Variants in FAM153A observed in about 807,000 individuals in gnomAD.
FAM153A encodes family with sequence similarity 153 member A.
Under a neutral mutation model 48.1 loss-of-function variants are expected in FAM153A, and 12 were observed. The ratio of observed to expected loss-of-function variants is 0.25; its 90% CI spans 0.16 to 0.40. The LOEUF (loss-of-function observed/expected upper bound fraction) is 0.40. FAM153A is among the 10% of genes least tolerant of loss of function. The probability of loss-of-function intolerance (pLI) is 1.00; values close to 1 mark genes in which losing one functional copy is unlikely to be tolerated. For synonymous variants in FAM153A, 36 were observed against 118.2 expected (o/e 0.30, Z 4.51); for missense variants, 111 against 345.8 (o/e 0.32, Z 5.38).
chr5:177,711,022 G>GA (rs1449457943), downstream of FAM153A: 2 of 151,712 alleles, frequency 1.3e-5, no homozygotes, highest in East Asian at 3.9e-4. Context: ...GTACATCTGA[G>GA]AAAAGAAAAA....
chr5:177,699,195 A>G, the FAM153A span, among the ~76,000 whole-genome samples: 1 of 151,754 alleles, frequency 6.6e-6, no homozygotes. Flanking sequence ...CTACTACATT[A>G]CTTAGAGCTA....
In FAM153A at chr5:177,713,767, C is replaced by T. The variant is rs954412378; in HGVS notation, c.*1372G>A. Reference sequence around the variant, plus strand: ...ACTTACCTGTTTTTTATTCAAAGCCCGTCCTCTCCTTCCTGTTCATGAATG... The same window carrying T: ...ACTTACCTGTTTTTTATTCAAAGCCTGTCCTCTCCTTCCTGTTCATGAATG... On this transcript the variant is annotated 3_prime_UTR_variant and NMD_transcript_variant, in exon 26 of 27. Transcript: ENST00000360669. 63 of 151,804 alleles carry T rather than the reference C, an allele frequency of 4.2e-4. 2 individuals are homozygous for T. Among genetic ancestry groups the T allele is most frequent in the African/African-American group, 1.2e-3 (50 of 41,124 alleles). 9.4% of individuals were successfully genotyped at this position (151,804 alleles called of 1,614,324 possible).
At chr5:177,700,630 C>T in the FAM153A span, among the ~76,000 whole-genome samples, 193 of 151,810 alleles carry the variant, frequency 1.3e-3, 1 homozygote, top group African/African-American at 4.5e-3. Context: ...GGTGAAATGC[C>T]GTCTCTACTA....
the FAM153A span, among the ~76,000 whole-genome samples, chr5:177,697,114 C>G: frequency 9.2e-5 from 14 of 151,744 alleles, no homozygotes; most frequent in Non-Finnish European, 2.1e-4. Context: ...TCTTTAATTT[C>G]TCTCAGCACC....
At chr5:177,755,373 A>G (rs1767619569), upstream of FAM153A, among the ~76,000 whole-genome samples, 1 of 151,900 alleles carries the variant, frequency 6.6e-6, no homozygotes, top group Admixed American at 6.6e-5. Flanking sequence ...TATACCTGAA[A>G]GTGATGGGGA....
chr5:177,702,363 C>T, the FAM153A span, among the ~76,000 whole-genome samples: 2 of 151,738 alleles, frequency 1.3e-5, no homozygotes, highest in Non-Finnish European at 2.9e-5. Flanking sequence ...AGATGTGACC[C>T]AGTTGCTTCT....
intron 10 of FAM153A, among the ~76,000 whole-genome samples, chr5:177,738,569 A>T (rs949230815): frequency 9.3e-5 from 14 of 151,292 alleles, no homozygotes; most frequent in Admixed American, 3.3e-4. Context: ...GTAGTAGCCC[A>T]TGGCATCAAC....
At chr5:177,778,496 G>A (rs1293123185) in intron 1 of FAM153A, among the ~76,000 whole-genome samples, 1 of 94,824 alleles carries the variant, frequency 1.1e-5, no homozygotes, top group Non-Finnish European at 2.2e-5. Flanking sequence ...CAGGTGTGGT[G>A]GCTCACATCC....
upstream of FAM153A, among the ~76,000 whole-genome samples, chr5:177,754,043 C>T (rs1286005322): frequency 6.6e-6 from 1 of 151,910 alleles, no homozygotes; most frequent in African/African-American, 2.4e-5. Flanking sequence ...CAAGGCATTG[C>T]CTCACCCAGG....
downstream of FAM153A, among the ~76,000 whole-genome samples, chr5:177,704,967 C>T (rs180997165): frequency 1.1e-3 from 159 of 150,914 alleles, 2 homozygotes; most frequent in Middle Eastern, 3.4e-3. Context: ...CACCACCGCA[C>T]TCCAGCCTGG....
chr5:177,719,487 G>C (rs1469883666), downstream of FAM153A, among the ~76,000 whole-genome samples: 1 of 151,122 alleles, frequency 6.6e-6, no homozygotes, highest in Admixed American at 6.6e-5. Flanking sequence ...ACTGCAGAAG[G>C]CTTCAATGTT....
chr5:177,700,202 G>C, the FAM153A span, among the ~76,000 whole-genome samples: 1 of 151,914 alleles, frequency 6.6e-6, no homozygotes, highest in African/African-American at 2.4e-5. Context: ...CCCAACCCAT[G>C]AAAGGGTATC....
chr5:177,709,774 G>A (rs1216626080), downstream of FAM153A, among the ~76,000 whole-genome samples: 1 of 123,082 alleles, frequency 8.1e-6, no homozygotes, highest in East Asian at 2.3e-4. Flanking sequence ...GGGTTCAAGC[G>A]ATTCTCCTGC....
Position 177,734,934 on chromosome 5 carries a change from C to G in FAM153A, c.665-1G>C. The G allele has an allele frequency of 1.3e-6, 2 of 1,534,356 alleles. No homozygotes were observed. The highest frequency in any genetic ancestry group is 2.3e-5 in the East Asian group (1 of 43,216). On this transcript the variant is annotated splice_acceptor_variant, in intron 12 of 20. Transcript: ENST00000614127. LOFTEE classifies it high-confidence loss of function. ...TCCTGAAGTACATCCCTGATCAGAA[C>G]TAGGAGGATACAAAGTGACCATCAG... is the stretch of plus-strand genomic sequence containing the variant.
upstream of FAM153A, among the ~76,000 whole-genome samples, chr5:177,756,427 C>T (rs1229312471): frequency 1.8e-4 from 26 of 143,832 alleles, no homozygotes; most frequent in South Asian, 3.7e-3. Flanking sequence ...GACAGATCCA[C>T]GAGACAGAAA....
At chr5:177,741,163 A>G in intron 7 of FAM153A, 93 bp downstream of exon 9, 1 of 215,976 alleles carries the variant, frequency 4.6e-6, no homozygotes, top group South Asian at 5.5e-5. Flanking sequence ...GTCATCTATA[A>G]TGTACATGGT....
At chr5:177,709,502 C>T (rs1329084799), downstream of FAM153A, among the ~76,000 whole-genome samples, 4 of 148,596 alleles carry the variant, frequency 2.7e-5, no homozygotes, top group Non-Finnish European at 4.5e-5. Context: ...GCTGGGATTA[C>T]AGGCGCCCGC....
upstream of FAM153A, among the ~76,000 whole-genome samples, chr5:177,758,160 A>G: frequency 1.6e-5 from 2 of 122,112 alleles, no homozygotes; most frequent in Non-Finnish European, 3.7e-5. Context: ...CAAAAATCAC[A>G]AGCATTCTTA....
chr5:177,717,168 C>T (rs1226715629), exon 24 of FAM153A: 10 of 139,892 alleles, frequency 7.1e-5, no homozygotes, highest in Non-Finnish European at 1.4e-4. Context: ...CTTACTAGTC[C>T]CAGGTAGACA....
Sources: allele counts gnomAD v4.1 joint callset (sites outside exome capture counted in the v4.1 genomes callset), GRCh38; gene constraint gnomAD v4.1.1; transcripts MANE v1.5; gene names NCBI Gene and HGNC (gene_info 2026-07-23, HGNC 2026-07-21).